Variants in BAZ2B observed in about 807,000 individuals in gnomAD.
The protein encoded by BAZ2B is bromodomain adjacent to zinc finger domain protein 2B.
Under a neutral mutation model 246.0 loss-of-function variants are expected in BAZ2B, and 91 were observed. The observed-to-expected ratio is 0.37, with a 90% CI of 0.31 to 0.44. The LOEUF (loss-of-function observed/expected upper bound fraction) is 0.44. BAZ2B is among the 20% of genes least tolerant of loss of function. BAZ2B has a pLI of 1.00. For missense variants in BAZ2B, 2,332 were observed against 2,533.7 expected, an observed-to-expected ratio of 0.92 and a Z score of 1.71; for synonymous variants, 855 against 860.0, an observed-to-expected ratio of 0.99 and a Z score of 0.10.
rs376926468 is a variant in BAZ2B, at chr2:159,428,305, A to G, written c.2364+6T>C. 4 of 1,606,414 alleles carry G rather than the reference A, an allele frequency of 2.5e-6. No homozygotes were observed. The highest frequency in any genetic ancestry group is 3.4e-5 in the Admixed American group (2 of 59,554). ...AAATGTACATTATTTGGTGAAAAGTATGTACCTTTATTACTTCAGGGTACT... is the reference window on the plus strand; with the variant it reads ...AAATGTACATTATTTGGTGAAAAGTGTGTACCTTTATTACTTCAGGGTACT... On this transcript the variant is annotated splice_donor_region_variant and intron_variant, in intron 12 of 36. Transcript: ENST00000392783.
chr2:159,388,147 A>T (rs2062858602), intron 21 of BAZ2B, among the ~76,000 whole-genome samples: 1 of 151,896 alleles, frequency 6.6e-6, no homozygotes, highest in South Asian at 2.1e-4. Context: ...TAAAATAAAA[A>T]AAGAGCTTAC....
At chr2:159,483,515 G>T (rs942648951) in intron 2 of BAZ2B, among the ~76,000 whole-genome samples, 3 of 152,090 alleles carry the variant, frequency 2.0e-5, no homozygotes, top group Non-Finnish European at 2.9e-5. Context: ...GGTGGCTCAC[G>T]CCTGTAATTC....
At chr2:159,679,812 G>C in the BAZ2B span, among the ~76,000 whole-genome samples, 2 of 152,156 alleles carry the variant, frequency 1.3e-5, no homozygotes, top group Non-Finnish European at 2.9e-5. Flanking sequence ...CCAAATACTT[G>C]GGCCACCATT....
At chr2:159,432,690 A>G (rs2071364155) in intron 9 of BAZ2B, 67 bp downstream of exon 9, 1 of 1,531,288 alleles carries the variant, frequency 6.5e-7, no homozygotes, top group Non-Finnish European at 8.8e-7. Flanking sequence ...TGAATTAAGA[A>G]ACCCTTTAAA....
the BAZ2B span, among the ~76,000 whole-genome samples, chr2:159,700,540 G>A: frequency 6.6e-6 from 1 of 152,164 alleles, no homozygotes; most frequent in African/African-American, 2.4e-5. Context: ...CCGCCTCCCG[G>A]GTTCCAGTGA....
chr2:159,374,594 C>T, intron 26 of BAZ2B, 97 bp downstream of exon 26: 1 of 996,908 alleles, frequency 1.0e-6, no homozygotes. Flanking sequence ...TCACCAAAAG[C>T]CTATTTTTGC....
chr2:159,690,465 A>G, the BAZ2B span, among the ~76,000 whole-genome samples: 3 of 152,068 alleles, frequency 2.0e-5, no homozygotes, highest in Non-Finnish European at 2.9e-5. Context: ...ATTGTTATTT[A>G]ATTGGGGTTT....
intron 2 of BAZ2B, among the ~76,000 whole-genome samples, chr2:159,504,020 T>A (rs1325677550): frequency 2.0e-5 from 3 of 152,218 alleles, no homozygotes; most frequent in African/African-American, 7.2e-5. Context: ...GGCAAAAGCA[T>A]AAATGTTGAT....
In BAZ2B at chr2:159,401,083, C is replaced by T. The variant is rs564999375; in HGVS notation, c.2833-419G>A. Reference sequence around the variant, plus strand: ...AAGTACAAAATTACCAAAGGATGGACATAAAAATTTCATTATTTAGCGTAA... The same window carrying T: ...AAGTACAAAATTACCAAAGGATGGATATAAAAATTTCATTATTTAGCGTAA... On this transcript the variant is annotated intron_variant, in intron 16 of 36. Coordinates refer to ENST00000392783, the MANE Select transcript of BAZ2B (RefSeq NM_013450.4). Among the ~76,000 whole-genome samples the T allele has an allele frequency of 2.1e-4, 32 of 151,822 alleles. No individual in the cohort carries two copies. In the East Asian group the frequency reaches 5.8e-3, roughly 28 times the overall value.
intron 3 of BAZ2B, among the ~76,000 whole-genome samples, chr2:159,467,077 C>T (rs1053934497): frequency 3.9e-5 from 6 of 152,100 alleles, no homozygotes; most frequent in South Asian, 2.1e-4. Flanking sequence ...GACAGAGGGA[C>T]AGCGTATTTG....
chr2:159,587,179 CG>C (rs975144354), intron 1 of BAZ2B, among the ~76,000 whole-genome samples: 14 of 151,852 alleles, frequency 9.2e-5, no homozygotes, highest in Non-Finnish European at 1.6e-4. Context: ...CCCGGGTTCA[CG>C]CCATTCTCCT....
chr2:159,521,025 TTCTGCTATTGTAAAAGGTAGTAG>T, intron 2 of BAZ2B, among the ~76,000 whole-genome samples: 1 of 152,234 alleles, frequency 6.6e-6, no homozygotes, highest in East Asian at 1.9e-4. Flanking sequence ...CAATATATAA[TTCTGCTATTGTAAAAGGTAGTAG>T]TCTTTAGATT....
At chr2:159,464,747 A>G (rs1184942578) in intron 3 of BAZ2B, 1 of 152,236 alleles carries the variant, frequency 6.6e-6, no homozygotes, top group African/African-American at 2.4e-5. Flanking sequence ...CTCTTCTGTG[A>G]TAATTTTTGT....
chr2:159,372,245 C>T (rs2060928469), intron 27 of BAZ2B, among the ~76,000 whole-genome samples: 1 of 152,192 alleles, frequency 6.6e-6, no homozygotes, highest in African/African-American at 2.4e-5. Flanking sequence ...GTTTTATCTT[C>T]CATGTCTGAT....
chr2:159,471,657 T>C (rs1406400008), intron 3 of BAZ2B, among the ~76,000 whole-genome samples: 1 of 152,144 alleles, frequency 6.6e-6, no homozygotes, highest in East Asian at 1.9e-4. Context: ...ACTAAGAGCA[T>C]GCTTTTATAC....
At chr2:159,546,825 AGTAAATT>A (rs1361823205) in intron 2 of BAZ2B, among the ~76,000 whole-genome samples, 1 of 152,120 alleles carries the variant, frequency 6.6e-6, no homozygotes, top group African/African-American at 2.4e-5. Context: ...CCTGTGTTGA[AGTAAATT>A]GCCATAACAG....
chr2:159,373,084 A>T lies in BAZ2B; in HGVS notation c.4174T>A (p.Cys1392Ser). 1.2e-6 allele frequency: 2 copies of T among 1,613,994 alleles called. No homozygotes were observed. The highest frequency in any genetic ancestry group is 1.7e-6 in the Non-Finnish European group (2 of 1,179,876). The change falls in exon 27 of 37, where the codon TGT becomes AGT. Residue 1392 changes from cysteine (C) to serine (S), a missense_variant. Coordinates refer to ENST00000392783, the MANE Select transcript of BAZ2B (RefSeq NM_013450.4). ...ATGCCTTCTACAAAAATCCCCCCAC[A>T]TTGGGGAAGAATCCAGTACCGGCGT... ...YRRRYWILPQ[C>S]GGIFVEGMES...
chr2:159,673,277 A>T, the BAZ2B span, among the ~76,000 whole-genome samples: 1 of 152,236 alleles, frequency 6.6e-6, no homozygotes, highest in African/African-American at 2.4e-5. Flanking sequence ...CTTCACTTTC[A>T]TGAGGCAAAT....
intron 13 of BAZ2B, among the ~76,000 whole-genome samples, chr2:159,424,629 GA>G (rs2069433574): frequency 6.6e-6 from 1 of 152,088 alleles, no homozygotes; most frequent in Non-Finnish European, 1.5e-5. Flanking sequence ...TACTTCCCAG[GA>G]AAATGTTTTA....
Sources: allele counts gnomAD v4.1 joint callset (sites outside exome capture counted in the v4.1 genomes callset), GRCh38; gene constraint gnomAD v4.1.1; transcripts MANE v1.5; gene names NCBI Gene and HGNC (gene_info 2026-07-23, HGNC 2026-07-21).